The following CYSTM1 variants were observed in gnomAD, a reference collection of about 807,000 sequenced individuals.
CYSTM1 encodes the protein cysteine-rich transmembrane module-containing protein 1.
CYSTM1 carries 4 observed loss-of-function variants against 13.1 expected under a neutral mutation model. That is an observed-to-expected ratio of 0.31 (90% confidence interval 0.15 to 0.70). CYSTM1 has a LOEUF of 0.70. CYSTM1 is among the 30% of genes least tolerant of loss of function. The pLI, the probability that CYSTM1 is intolerant of heterozygous loss-of-function variation, is 0.72. For missense variants in CYSTM1, 96 were observed against 121.6 expected, an observed-to-expected ratio of 0.79 and a Z score of 0.99; for synonymous variants, 36 against 42.7, an observed-to-expected ratio of 0.84 and a Z score of 0.62.
Position 140,194,616 on chromosome 5 carries a change from T to C in CYSTM1, c.151T>C (p.Trp51Arg). Residue 51 changes from tryptophan to arginine, a missense_variant, in exon 2 of 3, where the codon TGG becomes CGG. By Grantham distance (101) the Trp-to-Arg change is moderately radical (BLOSUM62 -3). Transcript: ENST00000261811. Reference sequence around the variant, plus strand: ...CTACCAAGGATACCCACAGTACGGCTGGCAGGGTGGACCTCAGGAGCCTCC... The same window carrying C: ...CTACCAAGGATACCCACAGTACGGCCGGCAGGGTGGACCTCAGGAGCCTCC... The part of the protein sequence containing the change: ...YPYQGYPQYG[W>R]QGGPQEPPKT... The C allele has an allele frequency of 6.2e-7, 1 of 1,613,478 alleles. No homozygotes were observed. Among genetic ancestry groups the C allele is most frequent in the Non-Finnish European group, 8.5e-7 (1 of 1,179,682 alleles).
chr5:140,224,837 TAAG>T (rs2126668421), intron 2 of CYSTM1, among the ~76,000 whole-genome samples: 1 of 152,330 alleles, frequency 6.6e-6, no homozygotes, highest in South Asian at 2.1e-4. Flanking sequence ...TGTGTTTTTA[TAAG>T]GAGTTGTCTA....
chr5:140,187,174 T>G (rs1438844131), intron 1 of CYSTM1, among the ~76,000 whole-genome samples: 1 of 147,042 alleles, frequency 6.8e-6, no homozygotes, highest in Non-Finnish European at 1.5e-5. Flanking sequence ...TCTAAAACTT[T>G]TTTTTTTTTT....
At chr5:140,224,358 C>CG (rs1764524791) in intron 2 of CYSTM1, among the ~76,000 whole-genome samples, 1 of 151,818 alleles carries the variant, frequency 6.6e-6, no homozygotes, top group Non-Finnish European at 1.5e-5. Flanking sequence ...AGGCTGGTCT[C>CG]GAACTCCTGA....
At chr5:140,186,195 T>A (rs1581058449) in intron 1 of CYSTM1, among the ~76,000 whole-genome samples, 1 of 152,208 alleles carries the variant, frequency 6.6e-6, no homozygotes, top group East Asian at 1.9e-4. Flanking sequence ...TTAATACATA[T>A]GAAATAAGTG....
chr5:140,243,231 C>A, intron 2 of CYSTM1, 74 bp from the exon 3 acceptor site: 1 of 1,234,602 alleles, frequency 8.1e-7, no homozygotes. Context: ...TTCCTGTGGT[C>A]CTGGGAGGCT....
At chr5:140,241,114 A>G (rs1217636389) in intron 2 of CYSTM1, among the ~76,000 whole-genome samples, 2 of 152,190 alleles carry the variant, frequency 1.3e-5, no homozygotes, top group East Asian at 3.8e-4. Flanking sequence ...CAAAGTCCCT[A>G]GTTCCCCACG....
chr5:140,187,171 CT>C (rs76385156), intron 1 of CYSTM1, among the ~76,000 whole-genome samples: 106,832 of 145,974 alleles, frequency 0.73, 38,922 homozygotes, highest in East Asian at 0.79. Flanking sequence ...AATTCTAAAA[CT>C]TTTTTTTTTT....
intron 2 of CYSTM1, among the ~76,000 whole-genome samples, chr5:140,195,197 T>C (rs1187517883): frequency 6.6e-6 from 1 of 152,204 alleles, no homozygotes; most frequent in Non-Finnish European, 1.5e-5. Flanking sequence ...TGCCAGTCAA[T>C]GAACAGTGAA....
chr5:140,208,718 TTAAAA>T (rs1387579204), intron 2 of CYSTM1, among the ~76,000 whole-genome samples: 1 of 152,120 alleles, frequency 6.6e-6, no homozygotes, highest in Non-Finnish European at 1.5e-5. Context: ...CCCACAAAAA[TTAAAA>T]TAAAAAAATA....
intron 2 of CYSTM1, among the ~76,000 whole-genome samples, chr5:140,238,080 G>A (rs1219715010): frequency 2.0e-5 from 3 of 152,186 alleles, no homozygotes; most frequent in Non-Finnish European, 4.4e-5. Context: ...GAGTTGGTTG[G>A]CCAGCTCCTG....
intron 1 of CYSTM1, among the ~76,000 whole-genome samples, chr5:140,190,665 C>T (rs763529467): frequency 2.6e-5 from 4 of 152,128 alleles, no homozygotes; most frequent in Non-Finnish European, 5.9e-5. Context: ...CTCCACTGAC[C>T]ACTTTCCCAA....
chr5:140,185,525 T>C (rs1365944053), intron 1 of CYSTM1, among the ~76,000 whole-genome samples: 2 of 152,242 alleles, frequency 1.3e-5, no homozygotes, highest in African/African-American at 4.8e-5. Flanking sequence ...GCAGGTTGTC[T>C]TCCTCCAGTC....
intron 2 of CYSTM1, among the ~76,000 whole-genome samples, chr5:140,204,775 G>A (rs1472960443): frequency 2.2e-5 from 2 of 89,800 alleles, no homozygotes; most frequent in Admixed American, 1.1e-4. Context: ...TGCTGAGCGC[G>A]TGTGTGTGTG....
rs1364871207 is a variant in CYSTM1 at position 140,182,084 on chromosome 5, C to T, written c.-21+6799C>T. On this transcript the variant is annotated intron_variant, in intron 1 of 2. Transcript: ENST00000261811. ...TAAAGTTGACCCATTTTTTAAAACC[C>T]TAAAATTTGTTTAAAAGGGAAACGA... Among the ~76,000 whole-genome samples, 3 of 152,112 alleles carry T rather than the reference C, an allele frequency of 2.0e-5. No individual in the cohort carries two copies. The East Asian group carries it at 5.8e-4, about 29-fold the overall frequency.
intron 1 of CYSTM1, among the ~76,000 whole-genome samples, chr5:140,177,069 A>AAAAAAAAAAAACAAAAAAAAAAC (rs1763898345): frequency 2.0e-4 from 7 of 35,388 alleles, no homozygotes; most frequent in African/African-American, 5.9e-4. Flanking sequence ...ACTCTGTCTC[A>AAAAAAAAAAAACAAAAAAAAAAC]AAAAAAAAAA....
In CYSTM1 at chr5:140,243,416, A is replaced by G. The variant is rs767492451; in HGVS notation, c.*5A>G. 1 of 1,613,440 alleles carries G rather than the reference A, an allele frequency of 6.2e-7. No homozygotes were observed. The highest frequency in any genetic ancestry group is 2.2e-5 in the East Asian group (1 of 44,870). On this transcript the variant is annotated 3_prime_UTR_variant, in exon 3 of 3. Coordinates refer to ENST00000261811, the MANE Select transcript of CYSTM1 (RefSeq NM_032412.4). The stretch of plus-strand genomic sequence containing the variant: ...CTCTGGGACATGCTCACCTGACCAG[A>G]CCAGCCCAGCCGTCCTGTCCTGCCA...
chr5:140,217,364 T>C (rs756437895), intron 2 of CYSTM1, among the ~76,000 whole-genome samples: 12 of 152,104 alleles, frequency 7.9e-5, no homozygotes, highest in Non-Finnish European at 1.6e-4. Flanking sequence ...AGGCAGCTAG[T>C]GGGTAACCAT....
At chr5:140,221,345 C>G (rs1764486575) in intron 2 of CYSTM1, among the ~76,000 whole-genome samples, 2 of 152,226 alleles carry the variant, frequency 1.3e-5, no homozygotes, top group South Asian at 4.1e-4. Context: ...CAAACTGAAA[C>G]TGTGTCCCTG....
rs73257051 is a variant in CYSTM1, at chr5:140,234,853, C to T, written c.188-8452C>T. On this transcript the variant is annotated intron_variant, in intron 2 of 2. Coordinates refer to ENST00000261811, the MANE Select transcript of CYSTM1 (RefSeq NM_032412.4). ...TGCCATTGGAAAATCCTCCCTCCCT[C>T]GAGGTCTTTACACCGTCATCACAGG... 5.5e-3 allele frequency among the ~76,000 whole-genome samples: 844 copies of T among 152,302 alleles called. 5 individuals carry two copies. The highest frequency in any genetic ancestry group is 0.019 in the African/African-American group (791 of 41,566).
Sources: allele counts gnomAD v4.1 joint callset (sites outside exome capture counted in the v4.1 genomes callset), GRCh38; gene constraint gnomAD v4.1.1; transcripts MANE v1.5; gene names NCBI Gene and HGNC (gene_info 2026-07-23, HGNC 2026-07-21).